The following MYOM1 variants were observed in gnomAD, a reference collection of about 807,000 sequenced individuals.
MYOM1 encodes myomesin 1.
A neutral mutation model predicts 205.3 loss-of-function variants in MYOM1; 164 were observed. The ratio of observed to expected loss-of-function variants is 0.80; its 90% CI spans 0.70 to 0.91. The LOEUF is 0.91. Among genes scored for constraint, MYOM1 ranks in the 40% least tolerant of loss-of-function variants. MYOM1 has a pLI of 0.00. For missense variants in MYOM1, 2,011 were observed against 2,127.3 expected (o/e 0.95, Z 1.08); for synonymous variants, 772 against 789.4 (o/e 0.98, Z 0.37).
chr18:3,141,805 T>A, intron 14 of MYOM1, 134 bp downstream of exon 14: 1 of 1,134,102 alleles, frequency 8.8e-7, no homozygotes, highest in Admixed American at 1.9e-5. Context: ...AGTTCACAGT[T>A]GATAACAATC....
the MYOM1 span, among the ~76,000 whole-genome samples, chr18:3,234,923 A>T: frequency 0.14 from 20,537 of 145,460 alleles, 1,971 homozygotes; most frequent in African/African-American, 0.29. Context: ...ATCTCTTTAA[A>T]TTTTTTTTTT....
chr18:3,151,687 T>TA lies in MYOM1; in HGVS notation c.1843+6_1843+7insT. On this transcript the variant is annotated splice_region_variant and intron_variant, in intron 12 of 37. Transcript: ENST00000356443. Reference sequence around the variant, plus strand: ...AGGGAAGGTCCTGAAAAATGAAAAGTGCTTACTTTTAAGTCTAGCTTTCTC... The same window carrying TA: ...AGGGAAGGTCCTGAAAAATGAAAAGTAGCTTACTTTTAAGTCTAGCTTTCTC... 1 of 1,608,616 alleles carries TA rather than the reference T, an allele frequency of 6.2e-7. No individual in the cohort carries two copies. The highest frequency in any genetic ancestry group is 8.5e-7 in the Non-Finnish European group (1 of 1,176,838).
chr18:3,173,747 G>A (rs531093755), intron 8 of MYOM1, among the ~76,000 whole-genome samples, 191 bp downstream of exon 8: 4 of 152,026 alleles, frequency 2.6e-5, no homozygotes, highest in Middle Eastern at 3.4e-3. Context: ...AAAGCAATTC[G>A]ATTCAGAAAG....
chr18:3,243,988 TC>T, the MYOM1 span, among the ~76,000 whole-genome samples: 1 of 152,164 alleles, frequency 6.6e-6, no homozygotes, highest in Non-Finnish European at 1.5e-5. Flanking sequence ...ATTATAGTAC[TC>T]CCGAAATAAT....
At chr18:3,114,544 ATT>A (rs5822738) in intron 21 of MYOM1, among the ~76,000 whole-genome samples, 19 of 88,332 alleles carry the variant, frequency 2.2e-4, no homozygotes, top group East Asian at 1.7e-3. Context: ...TGGTCAGCTA[ATT>A]TTTTTTTTTT....
chr18:3,247,274 A>G, the MYOM1 span: 1 of 152,264 alleles, frequency 6.6e-6, no homozygotes, highest in Admixed American at 6.5e-5. Flanking sequence ...ATTACACTGC[A>G]CACAGAGCTA....
chr18:3,224,252 C>T (rs1235246823), upstream of MYOM1, among the ~76,000 whole-genome samples: 3 of 152,148 alleles, frequency 2.0e-5, no homozygotes, highest in Non-Finnish European at 2.9e-5. Flanking sequence ...GAACTTCTGA[C>T]CTCAAGTGAT....
At chr18:3,206,281 C>T (rs1270347891) in intron 2 of MYOM1, among the ~76,000 whole-genome samples, 2 of 152,204 alleles carry the variant, frequency 1.3e-5, no homozygotes, top group Non-Finnish European at 2.9e-5. Flanking sequence ...CCTTTAAAAA[C>T]TTCATCTTTA....
intron 19 of MYOM1, among the ~76,000 whole-genome samples, chr18:3,126,192 G>C: frequency 6.6e-6 from 1 of 151,050 alleles, no homozygotes; most frequent in African/African-American, 2.4e-5. Context: ...TTTAACCTGG[G>C]AGGTGGAGTT....
chr18:3,147,929 A>G (rs1444093054), intron 13 of MYOM1, among the ~76,000 whole-genome samples: 1 of 152,242 alleles, frequency 6.6e-6, no homozygotes. Context: ...CAGGAAAAAT[A>G]CCTGGATTTG....
In MYOM1 at chr18:3,090,014, C is replaced by T. The variant is rs188830108; in HGVS notation, c.4010-418G>A. Among the ~76,000 whole-genome samples, 144 of 151,142 alleles carry T rather than the reference C, an allele frequency of 9.5e-4. 1 individual carries two copies. Among genetic ancestry groups the T allele is most frequent in the African/African-American group, 3.3e-3 (136 of 41,308 alleles). ...GTAAGTACACGTGGCAAAACAGTCT[C>T]ATGGTTTGTTTCTGAGACACATACA... On this transcript the variant is annotated intron_variant, in intron 27 of 37. Transcript: ENST00000356443.
intron 35 of MYOM1, 113 bp from the exon 36 acceptor site, chr18:3,075,589 T>G (rs757620439): frequency 7.0e-7 from 1 of 1,432,252 alleles, no homozygotes; most frequent in Non-Finnish European, 9.9e-7. Flanking sequence ...CTGTTCAATA[T>G]AACAATGGGA....
intron 33 of MYOM1, among the ~76,000 whole-genome samples, chr18:3,081,245 T>C (rs1356533403): frequency 2.6e-5 from 4 of 152,224 alleles, no homozygotes; most frequent in Non-Finnish European, 4.4e-5. Flanking sequence ...ACCTTACATC[T>C]GTAATGTGCT....
chr18:3,186,246 T>C (rs1015321760), intron 5 of MYOM1, among the ~76,000 whole-genome samples: 10 of 152,034 alleles, frequency 6.6e-5, no homozygotes, highest in African/African-American at 2.2e-4. Context: ...TGGGTTTATC[T>C]TGTCAGCTAC....
intron 13 of MYOM1, among the ~76,000 whole-genome samples, chr18:3,144,744 TA>T (rs1266128089): frequency 5.9e-5 from 9 of 152,140 alleles, no homozygotes; most frequent in African/African-American, 2.2e-4. Context: ...AGTCATGTTA[TA>T]ACAATAAAGT....
intron 19 of MYOM1, among the ~76,000 whole-genome samples, chr18:3,121,601 T>C (rs183410564): frequency 5.3e-4 from 81 of 152,236 alleles, no homozygotes; most frequent in Non-Finnish European, 3.2e-4. Context: ...GACACATACA[T>C]ACACAATAGC....
In MYOM1 at chr18:3,110,666, C is replaced by T. The variant is rs143646444; in HGVS notation, c.3418+1632G>A. On this transcript the variant is annotated intron_variant, in intron 22 of 37. Transcript: ENST00000356443. ...AAGCCTGTTTTCACACTGGAATTAC[C>T]CAAATTGCTAAGTAAACAAACAAAC... is the stretch of plus-strand genomic sequence containing the variant. 3.3e-5 allele frequency among the ~76,000 whole-genome samples: 5 copies of T among 152,186 alleles called. No individual in the cohort carries two copies. The East Asian group carries it at 7.7e-4, about 24-fold the overall frequency.
intron 27 of MYOM1, 24 bp from the exon 28 acceptor site, chr18:3,089,620 T>A (rs757826523): frequency 6.3e-7 from 1 of 1,593,146 alleles, no homozygotes; most frequent in African/African-American, 1.3e-5. Context: ...AACAAGGAAG[T>A]GTGAAATTGA....
chr18:3,180,959 C>A (rs2080720941), intron 5 of MYOM1, among the ~76,000 whole-genome samples: 1 of 149,638 alleles, frequency 6.7e-6, no homozygotes, highest in African/African-American at 2.5e-5. Context: ...GTCTTACTTA[C>A]TCTGTCACCC....
Sources: gnomAD v4.1 joint callset for allele counts (sites outside exome capture counted in the v4.1 genomes callset) on GRCh38, gnomAD v4.1.1 for gene constraint, MANE v1.5 for transcripts, NCBI Gene and HGNC (gene_info 2026-07-23, HGNC 2026-07-21) for gene names.